The following ZRANB3 variants were observed in gnomAD, a reference collection of about 807,000 sequenced individuals.
ZRANB3 encodes the protein zinc finger RANBP2-type containing 3.
ZRANB3 carries 125 observed loss-of-function variants against 133.8 expected under a neutral mutation model. That is an observed-to-expected ratio of 0.93 (90% CI 0.81 to 1.08). ZRANB3 has a LOEUF of 1.08. ZRANB3 is among the 50% of genes least tolerant of loss of function. ZRANB3 has a pLI of 0.00. For missense variants in ZRANB3, 1,229 were observed against 1,275.5 expected, an observed-to-expected ratio of 0.96 and a Z score of 0.56; for synonymous variants, 387 against 432.7, an observed-to-expected ratio of 0.89 and a Z score of 1.31.
At chr2:135,238,000 TTAA>T (rs1695377837) in intron 12 of ZRANB3, among the ~76,000 whole-genome samples, 2 of 152,328 alleles carry the variant, frequency 1.3e-5, no homozygotes, top group East Asian at 1.9e-4. Context: ...TAGACACATT[TTAA>T]TAATAACCTT....
chr2:135,470,542 C>T (rs1174583109), intron 2 of ZRANB3, among the ~76,000 whole-genome samples: 4 of 150,910 alleles, frequency 2.7e-5, no homozygotes, highest in Non-Finnish European at 3.0e-5. Context: ...CAAAAATTAG[C>T]TGGGAGTGGT....
intron 2 of ZRANB3, among the ~76,000 whole-genome samples, chr2:135,408,094 C>T (rs569447105): frequency 1.6e-4 from 24 of 151,646 alleles, no homozygotes; most frequent in African/African-American, 5.8e-4. Context: ...GGGCTAATAT[C>T]CAGAATCTAC....
chr2:135,392,754 C>CACAACA (rs1005654953), intron 2 of ZRANB3, among the ~76,000 whole-genome samples: 2 of 151,820 alleles, frequency 1.3e-5, no homozygotes, highest in East Asian at 1.9e-4. Context: ...TCTCAAAAAC[C>CACAACA]ACAACAACAA....
chr2:135,209,595 C>T (rs900555099), intron 17 of ZRANB3, among the ~76,000 whole-genome samples: 1 of 152,156 alleles, frequency 6.6e-6, no homozygotes, highest in South Asian at 2.1e-4. Flanking sequence ...CCAACACTAA[C>T]AATACCACAC....
chr2:135,283,338 C>T (rs1223441997), intron 8 of ZRANB3, among the ~76,000 whole-genome samples: 4 of 151,790 alleles, frequency 2.6e-5, no homozygotes, highest in East Asian at 2.0e-4. Context: ...AGGCCAGGCA[C>T]GGTGGCTCAC....
At chr2:135,307,064 T>C (rs1393984371) in intron 8 of ZRANB3, among the ~76,000 whole-genome samples, 1 of 152,184 alleles carries the variant, frequency 6.6e-6, no homozygotes, top group Non-Finnish European at 1.5e-5. Flanking sequence ...TTTTACTTTA[T>C]TTATTTTTTA....
rs1304712761 is a variant in ZRANB3, at chr2:135,275,681, A to C, written c.1041T>G (p.His347Gln). The change falls in exon 9 of 21, where the codon CAT becomes CAG. Residue 347 changes from histidine (H) to glutamine (Q), a missense_variant. By Grantham distance (24) the His-to-Gln change is conservative. Transcript: ENST00000264159. ...DSLKFLVFAH[H>Q]LSMLQACTEA... is the part of the protein sequence containing the mutation. ...CTGTGCAAGCTTGGAGCATGCTTAA[A>C]TGGTGAGCAAAAACCAGAAATTTAA... 1 of 1,608,614 alleles carries C rather than the reference A, an allele frequency of 6.2e-7. No individual in the cohort carries two copies. Among genetic ancestry groups the C allele is most frequent in the Non-Finnish European group, 8.5e-7 (1 of 1,177,078 alleles).
chr2:135,450,764 A>G (rs2105004712), intron 2 of ZRANB3, among the ~76,000 whole-genome samples: 1 of 152,338 alleles, frequency 6.6e-6, no homozygotes, highest in African/African-American at 2.4e-5. Flanking sequence ...AAGCCTAGAG[A>G]AGAGCTTTCA....
rs537972236 is a variant in ZRANB3, at chr2:135,351,389, T to C, written c.360-1174A>G. 2.7e-5 allele frequency among the ~76,000 whole-genome samples: 4 copies of C among 150,322 alleles called. No homozygotes were observed. The East Asian group carries it at 8.0e-4, about 30-fold the overall frequency. On this transcript the variant is annotated intron_variant, in intron 4 of 20. Transcript: ENST00000264159. ...TTAATGCCATTCTCCTGTCTCAGCC[T>C]CCCGAGTAGCTGGGACTACAGGTGC...
At chr2:135,518,182 C>T (rs916309664) in intron 1 of ZRANB3, among the ~76,000 whole-genome samples, 1 of 152,118 alleles carries the variant, frequency 6.6e-6, no homozygotes, top group African/African-American at 2.4e-5. Flanking sequence ...AGTGGATCTA[C>T]TTAGCTTGCT....
At chr2:135,465,811 C>G (rs148968785) in intron 2 of ZRANB3, among the ~76,000 whole-genome samples, 4 of 152,142 alleles carry the variant, frequency 2.6e-5, no homozygotes, top group East Asian at 1.9e-4. Context: ...AGAACTTAAA[C>G]AAATTTACAA....
At chr2:135,290,140 T>C (rs931145173) in intron 8 of ZRANB3, among the ~76,000 whole-genome samples, 1 of 152,324 alleles carries the variant, frequency 6.6e-6, no homozygotes, top group East Asian at 1.9e-4. Context: ...TTTCAGTCCA[T>C]TGATTCTTTG....
chr2:135,208,788 GAT>G, intron 18 of ZRANB3, 78 bp downstream of exon 18: 1 of 1,257,738 alleles, frequency 8.0e-7, no homozygotes, highest in Non-Finnish European at 1.1e-6. Context: ...GCAAAGGTGA[GAT>G]ATTATTATGA....
intron 2 of ZRANB3, among the ~76,000 whole-genome samples, chr2:135,393,059 G>A (rs948934092): frequency 2.0e-5 from 3 of 151,676 alleles, no homozygotes; most frequent in Middle Eastern, 3.2e-3. Context: ...GTAGAGACAG[G>A]GTTTCACTAT....
chr2:135,480,997 C>G (rs1691770922), intron 2 of ZRANB3, among the ~76,000 whole-genome samples: 1 of 151,498 alleles, frequency 6.6e-6, no homozygotes, highest in Non-Finnish European at 1.5e-5. Flanking sequence ...GCCACATTTT[C>G]TTAATCCAGT....
chr2:135,245,719 G>T (rs923578040), intron 12 of ZRANB3, among the ~76,000 whole-genome samples: 15 of 151,172 alleles, frequency 9.9e-5, no homozygotes, highest in African/African-American at 3.4e-4. Flanking sequence ...CTGAGGTTGG[G>T]AGTTCGAGAG....
At chr2:135,272,129 T>C (rs1680546908) in intron 9 of ZRANB3, among the ~76,000 whole-genome samples, 2 of 152,230 alleles carry the variant, frequency 1.3e-5, no homozygotes, top group South Asian at 2.1e-4. Context: ...AATTCATCTT[T>C]ATCCCATCAA....
chr2:135,243,704 A>G (rs1695656746), intron 12 of ZRANB3, among the ~76,000 whole-genome samples: 1 of 152,030 alleles, frequency 6.6e-6, no homozygotes, highest in African/African-American at 2.4e-5. Context: ...CTGCAGCCTT[A>G]GCCTTCTGGG....
At chr2:135,335,822 T>C (rs1431821027) in intron 6 of ZRANB3, among the ~76,000 whole-genome samples, 22 of 152,244 alleles carry the variant, frequency 1.4e-4, no homozygotes, top group Non-Finnish European at 3.1e-4. Context: ...CTGGGTTATC[T>C]ATGTGTTCTC....
Sources: allele counts gnomAD v4.1 joint callset (sites outside exome capture counted in the v4.1 genomes callset), GRCh38; gene constraint gnomAD v4.1.1; transcripts MANE v1.5; gene names NCBI Gene and HGNC (gene_info 2026-07-23, HGNC 2026-07-21).